ZSWIM9: variants seen among roughly 807,000 people sequenced by gnomAD.
The protein encoded by ZSWIM9 is uncharacterized protein ZSWIM9.
In ZSWIM9, 11 loss-of-function variants were observed where a neutral mutation model predicts 25.0. That is an observed-to-expected ratio of 0.44 (90% CI 0.28 to 0.73). The LOEUF is 0.73. Among genes scored for constraint, ZSWIM9 ranks in the 30% least tolerant of loss-of-function variants. The pLI is 0.16. For synonymous variants in ZSWIM9, 562 were observed against 582.1 expected, an observed-to-expected ratio of 0.97 and a Z score of 0.50; for missense variants, 1,070 against 1,296.5, an observed-to-expected ratio of 0.83 and a Z score of 2.68.
chr19:48,171,133 G>A, intron 1 of ZSWIM9: 1 of 584,270 alleles, frequency 1.7e-6, no homozygotes, highest in Non-Finnish European at 2.2e-6. Flanking sequence ...GGAGATGAGA[G>A]TGTCTCAGGG....
intron 2 of ZSWIM9, 58 bp downstream of exon 2, chr19:48,172,135 T>A: frequency 2.6e-6 from 1 of 386,926 alleles, no homozygotes; most frequent in Non-Finnish European, 4.5e-6. Flanking sequence ...GGGGTGGGTG[T>A]GGGTGGGAGA....
intron 2 of ZSWIM9, chr19:48,180,817 G>A (rs2036940796): frequency 6.8e-6 from 1 of 147,462 alleles, no homozygotes; most frequent in Non-Finnish European, 1.5e-5. Context: ...GAGTGCAGTA[G>A]TGCGATCTCG....
At chr19:48,187,209 A>AG (rs1256290174) in intron 3 of ZSWIM9, among the ~76,000 whole-genome samples, 3 of 148,996 alleles carry the variant, frequency 2.0e-5, no homozygotes, top group African/African-American at 7.4e-5. Context: ...AAAAAAAAAA[A>AG]AAGCCATTTT....
chr19:48,187,557 T>TAATATATAA (rs2037040568), intron 3 of ZSWIM9: 1 of 27,826 alleles, frequency 3.6e-5, no homozygotes, highest in Admixed American at 7.8e-4. Flanking sequence ...ATTATATATA[T>TAATATATAA]TATATATAAT....
At chr19:48,190,926 T>C (rs1232563373) in intron 3 of ZSWIM9, among the ~76,000 whole-genome samples, 5 of 152,244 alleles carry the variant, frequency 3.3e-5, no homozygotes, top group Non-Finnish European at 5.9e-5. Flanking sequence ...CTGAAAGCTT[T>C]ATGAATGTTC....
intron 3 of ZSWIM9, chr19:48,191,764 C>T (rs2037097138): frequency 6.6e-6 from 1 of 152,388 alleles, no homozygotes; most frequent in Non-Finnish European, 1.5e-5. Context: ...TCTGTTCCTC[C>T]GTGGGTTTCT....
In ZSWIM9 at chr19:48,196,686, CCT is replaced by C; in HGVS notation, c.2623_2624del (p.Leu875AspfsTer69). ...GTSDFFLDGA[L>X]TRCSCSIHAA... ...CCTCGGACTTCTTCCTGGATGGGGCCCTGACACGCTGCAGCTGCTCAATTCAC... is the reference window on the plus strand; with the variant it reads ...CCTCGGACTTCTTCCTGGATGGGGCCGACACGCTGCAGCTGCTCAATTCAC... On this transcript the variant is annotated frameshift_variant, in exon 4 of 4. Coordinates refer to ENST00000614654, the MANE Select transcript of ZSWIM9 (RefSeq NM_199341.4). LOFTEE classifies it high-confidence loss of function. 1 of 1,233,004 alleles carries C rather than the reference CCT, an allele frequency of 8.1e-7. No individual in the cohort carries two copies. Among genetic ancestry groups the C allele is most frequent in the Non-Finnish European group, 1.0e-6 (1 of 988,652 alleles). 76.4% of individuals were successfully genotyped at this position (1,233,004 alleles called of 1,614,324 possible). A position where few individuals can be genotyped will look rare whatever the true frequency, so the allele number is the denominator to read the frequency against.
chr19:48,175,704 CT>C (rs1447560675), intron 2 of ZSWIM9, among the ~76,000 whole-genome samples: 1 of 152,024 alleles, frequency 6.6e-6, no homozygotes, highest in Non-Finnish European at 1.5e-5. Context: ...CAGACAAGAA[CT>C]TTCTTCCTGT....
At chr19:48,187,529 A>ATAT (rs1403372000) in intron 3 of ZSWIM9, 63 of 83,614 alleles carry the variant, frequency 7.5e-4, no homozygotes, top group Middle Eastern at 4.7e-3. Flanking sequence ...ATTATATATT[A>ATAT]TATTATTATT....
chr19:48,184,684 A>G (rs1252369257), intron 3 of ZSWIM9, among the ~76,000 whole-genome samples: 1 of 152,220 alleles, frequency 6.6e-6, no homozygotes, highest in African/African-American at 2.4e-5. Flanking sequence ...AGTGCTTTAC[A>G]TACTATAACT....
chr19:48,196,370 C>A lies in ZSWIM9; in HGVS notation c.2306C>A (p.Thr769Asn). Reference sequence around the variant, plus strand: ...CTGGGGAATGGAGTCGTGTCTGGCACCCCGGTGGGGACTGTATTGGAAGGC... The same window carrying A: ...CTGGGGAATGGAGTCGTGTCTGGCAACCCGGTGGGGACTGTATTGGAAGGC... ...LGLGNGVVSG[T>N]PVGTVLEGSP... Residue 769 changes from threonine (T) to asparagine (N), a missense_variant, in exon 4 of 4, where the codon ACC (threonine) becomes AAC (asparagine). Physicochemically the swap from Thr to Asn is moderately conservative, Grantham distance 65. Coordinates refer to ENST00000614654, the MANE Select transcript of ZSWIM9 (RefSeq NM_199341.4). The A allele has an allele frequency of 8.1e-7, 1 of 1,232,446 alleles. No individual in the cohort carries two copies. The highest frequency in any genetic ancestry group is 1.0e-6 in the Non-Finnish European group (1 of 988,298). 76.3% of individuals were successfully genotyped at this position (1,232,446 alleles called of 1,614,324 possible). A position where few individuals can be genotyped will look rare whatever the true frequency, so the allele number is the denominator to read the frequency against.
chr19:48,180,922 A>C (rs1041239622), intron 2 of ZSWIM9: 1 of 149,652 alleles, frequency 6.7e-6, no homozygotes, highest in Non-Finnish European at 1.5e-5. Context: ...TTAGCCTATT[A>C]TTAGCCAGCA....
In ZSWIM9 at chr19:48,197,116, G is replaced by A. The variant is rs1193144377; in HGVS notation, c.*289G>A. 4 of 663,756 alleles carry A rather than the reference G, an allele frequency of 6.0e-6. No homozygotes were observed. Among genetic ancestry groups the A allele is most frequent in the Non-Finnish European group, 8.2e-6 (3 of 367,278 alleles). The allele number at this position is 663,756 out of a possible 1,614,324, so 41.1% of individuals were successfully genotyped here. ...TGATGAGAGGTGTAGACAGGGTCAG[G>A]CTGGGACAGAAGGAAGGAAAGGGGC... On this transcript the variant is annotated 3_prime_UTR_variant, in exon 4 of 4. Coordinates refer to ENST00000614654, the MANE Select transcript of ZSWIM9 (RefSeq NM_199341.4).
intron 3 of ZSWIM9, among the ~76,000 whole-genome samples, chr19:48,185,724 C>A (rs2037003996): frequency 6.6e-6 from 1 of 152,144 alleles, no homozygotes; most frequent in Non-Finnish European, 1.5e-5. Context: ...TGGTTACTCA[C>A]ACCTGTAATC....
Position 48,182,813 on chromosome 19 carries a change from C to A in ZSWIM9, c.588+46C>A. ...GGCCGGGGGAGGGGGCGGGGGAAAGCCGCGCTGAAGACTCGTGGGTCATTC... is the reference window on the plus strand; with the variant it reads ...GGCCGGGGGAGGGGGCGGGGGAAAGACGCGCTGAAGACTCGTGGGTCATTC... On this transcript the variant is annotated intron_variant, in intron 3 of 3. Coordinates refer to ENST00000614654, the MANE Select transcript of ZSWIM9 (RefSeq NM_199341.4). This position sits in a 1 kb window ranked among gnomAD's most constrained non-coding sequence, Gnocchi z 4.6. 1.4e-6 allele frequency: 2 copies of A among 1,414,640 alleles called. No homozygotes were observed. The highest frequency in any genetic ancestry group is 1.9e-6 in the Non-Finnish European group (2 of 1,053,514). The allele number at this position is 1,414,640 out of a possible 1,614,324, so 87.6% of individuals were successfully genotyped here.
Position 48,196,912 on chromosome 19 carries a change from G to GAGAC in ZSWIM9, c.*86_*89dup. The GAGAC allele has an allele frequency of 8.0e-7, 1 of 1,243,218 alleles. No individual in the cohort carries two copies. The highest frequency in any genetic ancestry group is 1.0e-6 in the Non-Finnish European group (1 of 986,418). The allele number at this position is 1,243,218 out of a possible 1,614,324, so 77.0% of individuals were successfully genotyped here. ...CAAAGATAATAGGGCTGAGGCCAAG[G>GAGAC]AGACCGTTGCAGTCCCCCTGGCCAC... On this transcript the variant is annotated 3_prime_UTR_variant, in exon 4 of 4. Transcript: ENST00000614654.
Position 48,197,227 on chromosome 19 carries a change from AG to A in ZSWIM9, c.*404del. 2.9e-6 allele frequency: 2 copies of A among 700,934 alleles called. No individual in the cohort carries two copies. Among genetic ancestry groups the A allele is most frequent in the South Asian group, 1.5e-5 (1 of 67,464 alleles). The allele number at this position is 700,934 out of a possible 1,614,324, so 43.4% of individuals were successfully genotyped here. ...CCAGTCTAGGGAGTGCAGCGGGGAG[AG>A]GGGAAAGGGAGAAAGTACAGAAGAC... is the stretch of plus-strand genomic sequence containing the variant. On this transcript the variant is annotated 3_prime_UTR_variant, in exon 4 of 4. Transcript: ENST00000614654.
rs1031898686 is a variant in ZSWIM9, at chr19:48,197,155, G to A, written c.*328G>A. 1.6e-5 allele frequency: 11 copies of A among 695,878 alleles called. No individual in the cohort carries two copies. The highest frequency in any genetic ancestry group is 1.4e-4 in the Admixed American group (7 of 49,240). 43.1% of individuals were successfully genotyped at this position (695,878 alleles called of 1,614,324 possible). A position where few individuals can be genotyped will look rare whatever the true frequency, so the allele number is the denominator to read the frequency against. ...AAGGAAAGGGGCAGAGCTGGGGGGA[G>A]GGGGAGGAAGCGATCATATGGGGAG... On this transcript the variant is annotated 3_prime_UTR_variant, in exon 4 of 4. Transcript: ENST00000614654.
chr19:48,183,629 G>GTT (rs5828337), intron 3 of ZSWIM9, among the ~76,000 whole-genome samples: 147 of 143,894 alleles, frequency 1.0e-3, no homozygotes, highest in East Asian at 3.9e-3. Context: ...TGCTATGTAA[G>GTT]TTTTTTTTTT....
Sources: gnomAD v4.1 joint callset for allele counts (sites outside exome capture counted in the v4.1 genomes callset) on GRCh38, gnomAD v4.1.1 for gene constraint, Gnocchi (gnomAD v3.1) non-coding constraint, MANE v1.5 for transcripts, NCBI Gene and HGNC (gene_info 2026-07-23, HGNC 2026-07-21) for gene names.